The following NRG3 variants were observed in gnomAD, a reference collection of about 807,000 sequenced individuals.
NRG3 encodes neuregulin 3.
A neutral mutation model predicts 66.9 loss-of-function variants in NRG3; 31 were observed. The observed-to-expected ratio is 0.46, with a 90% CI of 0.35 to 0.63. The LOEUF (loss-of-function observed/expected upper bound fraction) is 0.63, where lower values mean the gene tolerates loss of function less well. NRG3 is among the 20% of genes least tolerant of loss of function. The pLI is 0.00. For missense variants in NRG3, 910 were observed against 878.9 expected (o/e 1.04, Z -0.45); for synonymous variants, 393 against 359.4 (o/e 1.09, Z -1.06).
chr10:82,645,490 A>G (rs1205131645), intron 2 of NRG3, among the ~76,000 whole-genome samples: 4 of 152,184 alleles, frequency 2.6e-5, no homozygotes, highest in Non-Finnish European at 4.4e-5. Context: ...TCAGTGTTCC[A>G]GTTCCTTGTT....
chr10:82,614,604 T>G (rs2048521131), intron 2 of NRG3, among the ~76,000 whole-genome samples: 1 of 152,132 alleles, frequency 6.6e-6, no homozygotes, highest in African/African-American at 2.4e-5. Flanking sequence ...GAAACTGAAA[T>G]TAACAAAATA....
At chr10:81,914,769 CAAAAAA>C (rs58460918) in intron 1 of NRG3, among the ~76,000 whole-genome samples, 21 of 67,198 alleles carry the variant, frequency 3.1e-4, no homozygotes, top group Admixed American at 8.5e-4. Context: ...AAACAGAAAG[CAAAAAA>C]AAAAAAAAAA....
intron 1 of NRG3, among the ~76,000 whole-genome samples, chr10:82,169,577 A>G (rs867262512): frequency 2.6e-5 from 4 of 151,582 alleles, no homozygotes; most frequent in Non-Finnish European, 5.9e-5. Flanking sequence ...AATTTTGCTT[A>G]ATACTACTTC....
intron 4 of NRG3, among the ~76,000 whole-genome samples, chr10:82,893,890 A>G (rs1416926737): frequency 1.3e-5 from 2 of 152,216 alleles, no homozygotes; most frequent in Non-Finnish European, 2.9e-5. Flanking sequence ...AGTAACTGAT[A>G]AAGAATAGAA....
rs1173145852 is a variant in NRG3 at position 82,870,202 on chromosome 10, T to G, written c.1054+4765T>G. On this transcript the variant is annotated intron_variant, in intron 4 of 8. Transcript: ENST00000372141. ...TTTTTACTATTGTCATAGTTTTAACTTTTCTAGACTGTCATATATTTGGAA... is the reference window on the plus strand; with the variant it reads ...TTTTTACTATTGTCATAGTTTTAACGTTTCTAGACTGTCATATATTTGGAA... Among the ~76,000 whole-genome samples, 3 of 152,222 alleles carry G rather than the reference T, an allele frequency of 2.0e-5. No individual in the cohort carries two copies. The East Asian group carries it at 5.8e-4, about 30-fold the overall frequency.
chr10:82,382,485 T>C (rs2085679199), intron 2 of NRG3, among the ~76,000 whole-genome samples: 1 of 152,036 alleles, frequency 6.6e-6, no homozygotes, highest in Non-Finnish European at 1.5e-5. Context: ...TTTTTATTTA[T>C]ATCTAGTTAC....
At chr10:82,168,755 T>G (rs949024959) in intron 1 of NRG3, among the ~76,000 whole-genome samples, 1 of 152,128 alleles carries the variant, frequency 6.6e-6, no homozygotes, top group Admixed American at 6.6e-5. Context: ...TTAACCAGAT[T>G]CACAGAAGTT....
intron 2 of NRG3, among the ~76,000 whole-genome samples, chr10:82,639,843 T>G (rs932722594): frequency 6.6e-6 from 1 of 152,076 alleles, no homozygotes; most frequent in African/African-American, 2.4e-5. Flanking sequence ...TGTCATGGGG[T>G]TTGTTTTACA....
intron 2 of NRG3, among the ~76,000 whole-genome samples, chr10:82,403,717 G>A (rs917005250): frequency 3.3e-5 from 5 of 152,042 alleles, no homozygotes; most frequent in Admixed American, 6.6e-5. Flanking sequence ...ATTCTTTGTC[G>A]AGTGCTTGCT....
At chr10:82,762,366 C>T (rs968806928) in intron 3 of NRG3, among the ~76,000 whole-genome samples, 17 of 152,122 alleles carry the variant, frequency 1.1e-4, no homozygotes, top group East Asian at 3.9e-4. Context: ...ATTTTTCAAA[C>T]GCTAATTAAA....
chr10:82,676,997 A>C (rs1428713560), intron 2 of NRG3, among the ~76,000 whole-genome samples: 1 of 150,016 alleles, frequency 6.7e-6, no homozygotes. Context: ...TTTAAATAAA[A>C]CTTTTCCCTT....
At chr10:82,100,798 G>A (rs1473171594) in intron 1 of NRG3, among the ~76,000 whole-genome samples, 2 of 151,944 alleles carry the variant, frequency 1.3e-5, no homozygotes. Context: ...TTGTGTCTGT[G>A]TTCAACAGGA....
chr10:82,032,235 C>G (rs2062603671), intron 1 of NRG3, among the ~76,000 whole-genome samples: 1 of 151,626 alleles, frequency 6.6e-6, no homozygotes, highest in South Asian at 2.1e-4. Flanking sequence ...TATTATAAGA[C>G]AATGAGAAGT....
At chr10:82,716,340 C>G (rs199634420) in intron 2 of NRG3, among the ~76,000 whole-genome samples, 2 of 152,084 alleles carry the variant, frequency 1.3e-5, no homozygotes, top group East Asian at 3.9e-4. Flanking sequence ...CCCCGTGAAC[C>G]TAGTTGTTTT....
chr10:82,706,821 C>T (rs1397130247), intron 2 of NRG3, among the ~76,000 whole-genome samples: 1 of 151,718 alleles, frequency 6.6e-6, no homozygotes, highest in Non-Finnish European at 1.5e-5. Flanking sequence ...TGTTGAAACC[C>T]TGTCTCTACT....
chr10:82,187,297 C>A (rs951703123), intron 1 of NRG3, among the ~76,000 whole-genome samples: 2 of 152,052 alleles, frequency 1.3e-5, no homozygotes, highest in Non-Finnish European at 2.9e-5. Context: ...TTGTTGCCTT[C>A]TTGAGAGGAG....
intron 6 of NRG3, among the ~76,000 whole-genome samples, chr10:82,961,981 T>G (rs1850690807): frequency 6.6e-6 from 1 of 152,226 alleles, no homozygotes; most frequent in Non-Finnish European, 1.5e-5. Flanking sequence ...CAAATTGCAG[T>G]GTTTAACAAA....
chr10:81,906,697 T>G (rs1208839399), intron 1 of NRG3, among the ~76,000 whole-genome samples: 2 of 151,876 alleles, frequency 1.3e-5, no homozygotes, highest in East Asian at 3.9e-4. Context: ...TGGGAAAAAA[T>G]TAGAAACTGC....
rs760614798 is a variant in NRG3 at position 82,865,470 on chromosome 10, T to A, written c.1054+33T>A. ...TAAACAATTTGCTCATTTAATATCCTGGAAATGCTAAGCTTTATGATGTAC... is the reference window on the plus strand; with the variant it reads ...TAAACAATTTGCTCATTTAATATCCAGGAAATGCTAAGCTTTATGATGTAC... On this transcript the variant is annotated intron_variant, in intron 4 of 8. Coordinates refer to ENST00000372141, the MANE Select transcript of NRG3 (RefSeq NM_001010848.4). 1.9e-6 allele frequency: 3 copies of A among 1,605,272 alleles called. No individual in the cohort carries two copies. In the East Asian group the frequency reaches 6.7e-5, roughly 36 times the overall value.
Sources: allele counts gnomAD v4.1 joint callset (sites outside exome capture counted in the v4.1 genomes callset), GRCh38; gene constraint gnomAD v4.1.1; transcripts MANE v1.5; gene names NCBI Gene and HGNC (gene_info 2026-07-23, HGNC 2026-07-21).